Variants in HHAT observed in about 807,000 individuals in gnomAD.
HHAT encodes hedgehog acyltransferase, also known as protein-cysteine N-palmitoyltransferase HHAT.
Under a neutral mutation model 70.8 loss-of-function variants are expected in HHAT, and 47 were observed. That is an observed-to-expected ratio of 0.66 (90% CI 0.53 to 0.85). HHAT has a LOEUF of 0.85. Among genes scored for constraint, HHAT ranks in the 40% least tolerant of loss-of-function variants. The pLI, the probability that HHAT is intolerant of heterozygous loss-of-function variation, is 0.00. For missense variants in HHAT, 609 were observed against 604.8 expected (o/e 1.01, Z -0.07); for synonymous variants, 228 against 247.6 (o/e 0.92, Z 0.74).
At chr1:210,380,677 G>C (rs971176587) in intron 3 of HHAT, among the ~76,000 whole-genome samples, 3 of 152,158 alleles carry the variant, frequency 2.0e-5, no homozygotes, top group Admixed American at 6.5e-5. Flanking sequence ...ACTACTAAAG[G>C]CTTCCTGGGA....
intron 7 of HHAT, among the ~76,000 whole-genome samples, chr1:210,450,285 C>T (rs551312780): frequency 7.9e-5 from 8 of 101,332 alleles, no homozygotes; most frequent in South Asian, 6.9e-4. Context: ...AGCAAGACTG[C>T]GTCTCAGGTG....
intron 4 of HHAT, among the ~76,000 whole-genome samples, chr1:210,395,024 A>G (rs749941299): frequency 1.3e-5 from 2 of 152,078 alleles, no homozygotes; most frequent in African/African-American, 2.4e-5. Flanking sequence ...ATACATATAT[A>G]TTTCAGTAGC....
chr1:210,513,985 CTAAT>C (rs1208472557), intron 9 of HHAT, among the ~76,000 whole-genome samples: 1 of 152,194 alleles, frequency 6.6e-6, no homozygotes, highest in Non-Finnish European at 1.5e-5. Context: ...TTAATTCTGA[CTAAT>C]AGCCTGATAA....
intron 10 of HHAT, among the ~76,000 whole-genome samples, chr1:210,605,178 G>T (rs889084926): frequency 6.6e-6 from 1 of 152,210 alleles, no homozygotes; most frequent in Non-Finnish European, 1.5e-5. Context: ...TGTAACCACT[G>T]TAGCAAACCT....
chr1:210,410,581 C>T (rs1446083818), intron 6 of HHAT, among the ~76,000 whole-genome samples: 1 of 134,544 alleles, frequency 7.4e-6, no homozygotes, highest in Admixed American at 8.1e-5. Context: ...GGCTAGAGTG[C>T]AGTGGCACGA....
chr1:210,449,266 G>A (rs1297406547), intron 7 of HHAT, among the ~76,000 whole-genome samples: 1 of 138,898 alleles, frequency 7.2e-6, no homozygotes, highest in African/African-American at 2.7e-5. Flanking sequence ...TAGGAACAAA[G>A]CTCATCCTCT....
chr1:210,482,706 C>T (rs1461986120), intron 8 of HHAT, among the ~76,000 whole-genome samples: 2 of 152,110 alleles, frequency 1.3e-5, no homozygotes, highest in African/African-American at 4.8e-5. Flanking sequence ...ATAATGAATA[C>T]AGAATATACT....
At chr1:210,377,181 A>G (rs912831228) in intron 3 of HHAT, among the ~76,000 whole-genome samples, 5 of 152,212 alleles carry the variant, frequency 3.3e-5, no homozygotes, top group Non-Finnish European at 5.9e-5. Flanking sequence ...GGAAAGTGAC[A>G]CTAATGGTAT....
chr1:210,387,666 C>G (rs1475914519), intron 4 of HHAT, 85 bp downstream of exon 4: 1 of 999,060 alleles, frequency 1.0e-6, no homozygotes, highest in African/African-American at 1.6e-5. Flanking sequence ...AATCGGAAGA[C>G]TTGGATATTA....
At chr1:210,651,864 G>A (rs574379822) in intron 11 of HHAT, among the ~76,000 whole-genome samples, 1 of 152,348 alleles carries the variant, frequency 6.6e-6, no homozygotes, top group African/African-American at 2.4e-5. Context: ...CCAGGGCTTG[G>A]TTGTCAGTAA....
intron 7 of HHAT, among the ~76,000 whole-genome samples, chr1:210,430,496 C>T (rs1279278202): frequency 6.6e-6 from 1 of 151,844 alleles, no homozygotes; most frequent in Non-Finnish European, 1.5e-5. Flanking sequence ...TTTAACATTA[C>T]TATGTTTTTT....
chr1:210,613,469 C>T lies in HHAT; in HGVS notation c.1246-10057C>T, dbSNP rs535006440. Among the ~76,000 whole-genome samples the T allele has an allele frequency of 3.9e-5, 6 of 152,106 alleles. No homozygotes were observed. The South Asian group carries it at 1.2e-3, about 32-fold the overall frequency. Reference sequence around the variant, plus strand: ...TATTTCTGGTCTCTCTATTCTATTCCATTGGTCTATATGTTTATCTTTATG... The same window carrying T: ...TATTTCTGGTCTCTCTATTCTATTCTATTGGTCTATATGTTTATCTTTATG... On this transcript the variant is annotated intron_variant, in intron 10 of 11. Transcript: ENST00000261458.
chr1:210,396,972 G>A (rs1314136605), intron 4 of HHAT, among the ~76,000 whole-genome samples: 2 of 152,126 alleles, frequency 1.3e-5, no homozygotes, highest in Non-Finnish European at 2.9e-5. Context: ...TTTTTACCAT[G>A]GTAGATACCA....
intron 7 of HHAT, among the ~76,000 whole-genome samples, chr1:210,438,690 G>GTGGC (rs2093435990): frequency 6.6e-6 from 1 of 151,680 alleles, no homozygotes; most frequent in African/African-American, 2.4e-5. Flanking sequence ...AATGATCATG[G>GTGGC]TGGCTTAAGT....
chr1:210,553,692 C>T (rs930468321), intron 9 of HHAT, among the ~76,000 whole-genome samples: 2 of 152,142 alleles, frequency 1.3e-5, no homozygotes, highest in African/African-American at 2.4e-5. Flanking sequence ...GCAGTGTGAG[C>T]TTCCCAAATC....
intron 7 of HHAT, among the ~76,000 whole-genome samples, chr1:210,433,272 C>G (rs956396293): frequency 5.9e-5 from 9 of 151,718 alleles, no homozygotes; most frequent in African/African-American, 2.2e-4. Flanking sequence ...ACTTCACTTG[C>G]AGGTTCAGGT....
chr1:210,633,804 G>A (rs868747782), intron 11 of HHAT, among the ~76,000 whole-genome samples: 80 of 152,114 alleles, frequency 5.3e-4, no homozygotes, highest in African/African-American at 1.9e-3. Flanking sequence ...ACCCAGGGCC[G>A]AAGCCTTTGT....
intron 9 of HHAT, among the ~76,000 whole-genome samples, chr1:210,534,831 G>A (rs891862179): frequency 1.3e-5 from 2 of 152,118 alleles, no homozygotes; most frequent in African/African-American, 2.4e-5. Flanking sequence ...CCAGAGAAAG[G>A]TCAAATATAT....
At chr1:210,410,684 G>A (rs1349329354) in intron 6 of HHAT, among the ~76,000 whole-genome samples, 7 of 151,890 alleles carry the variant, frequency 4.6e-5, no homozygotes, top group Admixed American at 2.6e-4. Context: ...CTGCCACCAC[G>A]CCCAGCTAAT....
Sources: allele counts gnomAD v4.1 joint callset (sites outside exome capture counted in the v4.1 genomes callset), GRCh38; gene constraint gnomAD v4.1.1; transcripts MANE v1.5; gene names NCBI Gene and HGNC (gene_info 2026-07-23, HGNC 2026-07-21).